PI4KB: variants seen among roughly 807,000 people sequenced by gnomAD.
The protein encoded by PI4KB is PtdIns 4-kinase beta.
PI4KB carries 23 observed loss-of-function variants against 81.4 expected under a neutral mutation model. The observed-to-expected ratio is 0.28, with a 90% CI of 0.20 to 0.40. PI4KB has a LOEUF of 0.40. Among genes scored for constraint, PI4KB ranks in the 10% least tolerant of loss-of-function variants. PI4KB has a pLI of 1.00. For missense variants in PI4KB, 651 were observed against 1,036.6 expected (o/e 0.63, Z 5.11); for synonymous variants, 381 against 406.8 (o/e 0.94, Z 0.76).
chr1:151,315,399 C>A (rs1026906352), intron 2 of PI4KB, among the ~76,000 whole-genome samples, 174 bp downstream of exon 2: 7 of 152,196 alleles, frequency 4.6e-5, no homozygotes, highest in Admixed American at 6.5e-5. Flanking sequence ...TAAACTAAGG[C>A]AGGCAAAATA....
chr1:151,327,011 C>A (rs1253400119), intron 1 of PI4KB, among the ~76,000 whole-genome samples: 1 of 152,048 alleles, frequency 6.6e-6, no homozygotes, highest in African/African-American at 2.4e-5. Flanking sequence ...TTATTCGAGA[C>A]GTAGGCAACA....
intron 2 of PI4KB, among the ~76,000 whole-genome samples, chr1:151,311,122 G>A (rs1571190842): frequency 6.6e-6 from 1 of 152,144 alleles, no homozygotes; most frequent in Admixed American, 6.5e-5. Context: ...TGCAAAAACA[G>A]GGGAAAGAGA....
At chr1:151,326,382 A>C (rs1649612169) in intron 1 of PI4KB, 4 of 577,802 alleles carry the variant, frequency 6.9e-6, no homozygotes, top group Non-Finnish European at 1.2e-5. Flanking sequence ...TCCTGAAATA[A>C]GTGGTATGTG....
intron 2 of PI4KB, among the ~76,000 whole-genome samples, chr1:151,312,984 C>T (rs927723442): frequency 2.0e-5 from 3 of 152,046 alleles, no homozygotes; most frequent in Non-Finnish European, 2.9e-5. Context: ...TGCCACTGCA[C>T]GCCAGCCTGG....
chr1:151,293,927 G>A (rs1490217626), intron 11 of PI4KB, 91 bp downstream of exon 11: 2 of 1,448,096 alleles, frequency 1.4e-6, no homozygotes, highest in African/African-American at 1.4e-5. Context: ...CCTCAACCGA[G>A]TCTCGTGGGA....
intron 2 of PI4KB, among the ~76,000 whole-genome samples, chr1:151,312,237 T>C (rs906698066): frequency 3.9e-5 from 6 of 152,326 alleles, no homozygotes; most frequent in African/African-American, 1.4e-4. Context: ...GAACTGTACA[T>C]GCTGCCCCTG....
At chr1:151,293,941 G>A (rs1386308049) in intron 11 of PI4KB, 77 bp downstream of exon 11, 2 of 1,550,600 alleles carry the variant, frequency 1.3e-6, no homozygotes, top group East Asian at 4.5e-5. Context: ...CGTGGGATCA[G>A]CTTTCTTATG....
chr1:151,310,226 A>G lies in PI4KB; in HGVS notation c.939T>C (p.Asp313=), dbSNP rs747389825. Reference sequence around the variant, plus strand: ...CCCCACTTACGGAACTGAATGAATTATCAATACTCTCGGTGCTGGAGGAGA... The same window carrying G: ...CCCCACTTACGGAACTGAATGAATTGTCAATACTCTCGGTGCTGGAGGAGA... ...EELSSSTESI[D]NSFSSPVRLA... is the part of the protein sequence containing the mutation. The change falls in exon 3 of 12, where the codon GAT becomes GAC. Residue 313 remains aspartate (D), a synonymous_variant. Coordinates refer to ENST00000368873, the MANE Select transcript of PI4KB (RefSeq NM_001369623.2). The G allele has an allele frequency of 6.8e-6, 11 of 1,609,542 alleles. No homozygotes were observed. The highest frequency in any genetic ancestry group is 9.3e-6 in the Non-Finnish European group (11 of 1,178,284).
At chr1:151,303,051 T>C (rs1251750057) in intron 6 of PI4KB, among the ~76,000 whole-genome samples, 3 of 141,156 alleles carry the variant, frequency 2.1e-5, no homozygotes, top group Non-Finnish European at 3.0e-5. Flanking sequence ...CAGGCTGGAG[T>C]GCAGTGGTGC....
chr1:151,302,618 C>T (rs1695387835), intron 6 of PI4KB, among the ~76,000 whole-genome samples: 1 of 147,198 alleles, frequency 6.8e-6, no homozygotes, highest in Non-Finnish European at 1.5e-5. Flanking sequence ...CGCTGTGTCT[C>T]CCAGGCTGGA....
rs997409807 is a variant in PI4KB, at chr1:151,297,317, C to T, written c.2015+1491G>A. On this transcript the variant is annotated intron_variant, in intron 9 of 11. Coordinates refer to ENST00000368873, the MANE Select transcript of PI4KB (RefSeq NM_001369623.2). ...CTAGTCTCGAACTCCTGGGCTCAAG[C>T]GATCCTCCTGCCTCGGCCTTGTTGG... 7.4e-5 allele frequency among the ~76,000 whole-genome samples: 11 copies of T among 149,562 alleles called. No homozygotes were observed. In the East Asian group the frequency reaches 1.8e-3, roughly 24 times the overall value.
intron 1 of PI4KB, among the ~76,000 whole-genome samples, chr1:151,325,768 C>T (rs781626263): frequency 2.0e-5 from 3 of 152,172 alleles, no homozygotes; most frequent in African/African-American, 4.8e-5. Context: ...TAATAAATAC[C>T]TTTTGCCTGA....
chr1:151,294,549 G>T lies in PI4KB; in HGVS notation c.2016-8C>A, dbSNP rs750457908. On this transcript the variant is annotated splice_polypyrimidine_tract_variant and splice_region_variant and intron_variant, in intron 9 of 11. Coordinates refer to ENST00000368873, the MANE Select transcript of PI4KB (RefSeq NM_001369623.2). ...AGGATATTCCCATTGTGTCTGAGGA[G>T]GGGGAATAGAGGAGAGGAAGAGGCA... 2 of 1,613,840 alleles carry T rather than the reference G, an allele frequency of 1.2e-6. No individual in the cohort carries two copies. Among genetic ancestry groups the T allele is most frequent in the Non-Finnish European group, 1.7e-6 (2 of 1,179,814 alleles).
chr1:151,301,709 T>C (rs937283874), intron 8 of PI4KB, 135 bp downstream of exon 8: 6 of 754,398 alleles, frequency 8.0e-6, no homozygotes, highest in African/African-American at 1.8e-5. Context: ...AATTTTTGTA[T>C]TTTTAGTAGA....
intron 6 of PI4KB, among the ~76,000 whole-genome samples, chr1:151,302,562 T>C (rs755315359): frequency 1.3e-5 from 2 of 150,944 alleles, no homozygotes. Context: ...AGAATTTGCA[T>C]TTTTCTTTTC....
intron 8 of PI4KB, among the ~76,000 whole-genome samples, chr1:151,299,688 C>A (rs969978185): frequency 1.9e-4 from 29 of 150,850 alleles, no homozygotes; most frequent in African/African-American, 6.8e-4. Context: ...AGACTCTCTC[C>A]GACGAAAAAA....
rs1296451943 is a variant in PI4KB at position 151,292,097 on chromosome 1, TGCACTCCCCCA to T, written c.*744_*754del. On this transcript the variant is annotated 3_prime_UTR_variant, in exon 12 of 12. Transcript: ENST00000368873. ...TCATACCTCATCACCCATCTCCCCC[TGCACTCCCCCA>T]GAAAACCTGGAAATGACACAAGTGG... 1 of 152,276 alleles carries T rather than the reference TGCACTCCCCCA, an allele frequency of 6.6e-6. No homozygotes were observed. Among genetic ancestry groups the T allele is most frequent in the African/African-American group, 2.4e-5 (1 of 41,446 alleles). The allele number at this position is 152,276 out of a possible 1,614,324, so 9.4% of individuals were successfully genotyped here. A position where few individuals can be genotyped will look rare whatever the true frequency, so the allele number is the denominator to read the frequency against.
intron 10 of PI4KB, 65 bp from the exon 11 acceptor site, chr1:151,294,203 C>T: frequency 1.9e-6 from 3 of 1,561,670 alleles, no homozygotes; most frequent in Non-Finnish European, 2.6e-6. Context: ...CCTGTCCTGA[C>T]TGGCCTACCA....
chr1:151,327,210 A>AGCGG, intron 1 of PI4KB, 61 bp downstream of exon 1: 1 of 135,754 alleles, frequency 7.4e-6, no homozygotes, highest in East Asian at 1.8e-4. Context: ...ACAGGGTGGG[A>AGCGG]GAGGGACCCC....
Sources: allele counts gnomAD v4.1 joint callset (sites outside exome capture counted in the v4.1 genomes callset), GRCh38; gene constraint gnomAD v4.1.1; transcripts MANE v1.5; gene names NCBI Gene and HGNC (gene_info 2026-07-23, HGNC 2026-07-21).